The following TMPRSS9 variants were observed in gnomAD, a reference collection of about 807,000 sequenced individuals.
TMPRSS9 encodes transmembrane serine protease 9.
TMPRSS9 carries 113 observed loss-of-function variants against 111.4 expected under a neutral mutation model. That is an observed-to-expected ratio of 1.01 (90% CI 0.87 to 1.19). The LOEUF is 1.19. Among genes scored for constraint, TMPRSS9 ranks in the 50% most tolerant of loss-of-function variants. The probability of loss-of-function intolerance (pLI) is 0.00; values close to 1 mark genes in which losing one functional copy is unlikely to be tolerated. For synonymous variants in TMPRSS9, 805 were observed against 659.1 expected (o/e 1.22, Z -3.39); for missense variants, 1,803 against 1,513.1 (o/e 1.19, Z -3.18).
At chr19:2,362,504 G>A (rs1276354732) in intron 1 of TMPRSS9, among the ~76,000 whole-genome samples, 1 of 152,034 alleles carries the variant, frequency 6.6e-6, no homozygotes, top group African/African-American at 2.4e-5. Flanking sequence ...GTGTACGGTT[G>A]TGTGTGTGAT....
rs1202690933 is a variant in TMPRSS9 at position 2,361,605 on chromosome 19, C to T, written c.-26+1245C>T. The stretch of plus-strand genomic sequence containing the variant: ...AGGAAACCCAGGCTGGGGACCGTGG[C>T]GTTATCCCCGCATGACCGGGAATGA... On this transcript the variant is annotated intron_variant, in intron 1 of 17. Coordinates refer to the TMPRSS9 transcript ENST00000649857. Among the ~76,000 whole-genome samples the T allele has an allele frequency of 4.6e-5, 7 of 152,120 alleles. No homozygotes were observed. The East Asian group carries it at 7.7e-4, about 17-fold the overall frequency.
At chr19:2,400,449 G>A (rs7246409) in intron 4 of TMPRSS9, among the ~76,000 whole-genome samples, 4,861 of 152,208 alleles carry the variant, frequency 0.032, 105 homozygotes, top group Non-Finnish European at 0.048. Flanking sequence ...GGCTGAGGCA[G>A]GAGAATTGCT....
intron 7 of TMPRSS9, among the ~76,000 whole-genome samples, chr19:2,406,979 T>C (rs1054592279): frequency 4.6e-5 from 7 of 151,322 alleles, no homozygotes; most frequent in Non-Finnish European, 8.8e-5. Flanking sequence ...TTTGTATTTT[T>C]AGTAGAGACG....
chr19:2,418,281 T>TCCTTC lies in TMPRSS9; in HGVS notation c.2154+147_2154+148insCCCTT. 1.5e-5 allele frequency: 10 copies of TCCTTC among 683,710 alleles called. 1 individual carries two copies. The highest frequency in any genetic ancestry group is 6.9e-5 in the South Asian group (3 of 43,170). 42.4% of individuals were successfully genotyped at this position (683,710 alleles called of 1,614,324 possible). On this transcript the variant is annotated intron_variant, in intron 13 of 17. Coordinates refer to ENST00000648592, the Ensembl canonical transcript of TMPRSS9. ...TTCCCTCCTTGTCCTTCCCTCCTTT[T>TCCTTC]CCTTTCCTCCTTTCCTTCCCTCCCT...
rs1382114781 is a variant in TMPRSS9 at position 2,421,200 on chromosome 19, C to T, written c.2155-654C>T. Among the ~76,000 whole-genome samples, 6 of 152,176 alleles carry T rather than the reference C, an allele frequency of 3.9e-5. No individual in the cohort carries two copies. The East Asian group carries it at 1.2e-3, about 29-fold the overall frequency. On this transcript the variant is annotated intron_variant, in intron 13 of 17. Transcript: ENST00000648592. ...TGGCCTGGGCAACAAGAGCGAGACT[C>T]TGCCTCAAGAAAAGAAATAAGCTTG...
intron 9 of TMPRSS9, among the ~76,000 whole-genome samples, chr19:2,411,010 G>A (rs1971082914): frequency 1.3e-5 from 2 of 152,058 alleles, no homozygotes; most frequent in Admixed American, 6.6e-5. Flanking sequence ...AACTCAAGAA[G>A]GTTCCAGGGC....
rs529954357 is a variant in TMPRSS9 at position 2,405,600 on chromosome 19, C to T, written c.842+55C>T. 2.1e-4 allele frequency: 308 copies of T among 1,441,686 alleles called. 9 individuals are homozygous for T. The South Asian group carries it at 4.6e-3, about 21-fold the overall frequency. 89.3% of individuals were successfully genotyped at this position (1,441,686 alleles called of 1,614,324 possible). A position where few individuals can be genotyped will look rare whatever the true frequency, so the allele number is the denominator to read the frequency against. ...GAACCCTCTGTATTTCTCCTGCCTT[C>T]CCTCGTGCACTGGGGACGTCACTTC... On this transcript the variant is annotated intron_variant, in intron 7 of 17. Coordinates refer to ENST00000648592, the Ensembl canonical transcript of TMPRSS9.
intron 13 of TMPRSS9, among the ~76,000 whole-genome samples, chr19:2,419,246 C>T (rs1443545704): frequency 2.7e-5 from 4 of 148,868 alleles, no homozygotes; most frequent in Non-Finnish European, 5.9e-5. Flanking sequence ...CTCTGTCGCC[C>T]AGGCTGGAGT....
In TMPRSS9 at chr19:2,402,006, C is replaced by T. The variant is rs146127510; in HGVS notation, c.546C>T (p.Asp182=). ...ATAAGGGACCCTTGGCAGAAAGAGACTTCAAATCAGGTATGTTTTTCTCTC... is the reference window on the plus strand; with the variant it reads ...ATAAGGGACCCTTGGCAGAAAGAGATTTCAAATCAGGTATGTTTTTCTCTC... The change falls in exon 5 of 18, where the codon GAC becomes GAT. Residue 182 remains aspartate, a synonymous_variant. Transcript: ENST00000648592. The T allele has an allele frequency of 4.1e-4, 654 of 1,611,314 alleles. 4 individuals carry two copies. The African/African-American group carries it at 8.1e-3, about 20-fold the overall frequency.
At chr19:2,360,437 C>G (rs571664086) in intron 1 of TMPRSS9, among the ~76,000 whole-genome samples, 77 bp downstream of exon 1, 37 of 152,334 alleles carry the variant, frequency 2.4e-4, no homozygotes, top group Admixed American at 2.2e-3. Context: ...CGCCAAGCCC[C>G]GGGGCTGTTT....
intron 2 of TMPRSS9, 107 bp from the exon 4 acceptor site, chr19:2,398,688 T>C (rs1465919309): frequency 1.6e-6 from 1 of 619,604 alleles, no homozygotes; most frequent in African/African-American, 1.9e-5. Context: ...TGCTTTCCCA[T>C]GGAACCAACC....
intron 7 of TMPRSS9, 32 bp from the exon 9 acceptor site, chr19:2,408,324 G>T: frequency 6.2e-7 from 1 of 1,600,834 alleles, no homozygotes; most frequent in Middle Eastern, 1.8e-4. Flanking sequence ...TCTGACCCTC[G>T]GTGGCTTCTG....
rs1454250237 is a variant in TMPRSS9 at position 2,398,777 on chromosome 19, T to G, written c.271-18T>G. The G allele has an allele frequency of 2.1e-6, 3 of 1,413,736 alleles. No homozygotes were observed. Among genetic ancestry groups the G allele is most frequent in the Non-Finnish European group, 2.8e-6 (3 of 1,069,874 alleles). 87.6% of individuals were successfully genotyped at this position (1,413,736 alleles called of 1,614,324 possible). On this transcript the variant is annotated intron_variant, in intron 2 of 17. Coordinates refer to ENST00000648592, the Ensembl canonical transcript of TMPRSS9. ...ATGCTGTGGGTCTCAACATTTGATA[T>G]TCTTGTTTCTATTGCAGTTTGTAAG...
At chr19:2,379,175 CTTTCTCTTTTTT>C (rs1238145581) in intron 1 of TMPRSS9, among the ~76,000 whole-genome samples, 5 of 124,800 alleles carry the variant, frequency 4.0e-5, no homozygotes, top group African/African-American at 1.6e-4. Context: ...GCCTGAGCTT[CTTTCTCTTTTTT>C]TTTTTTTTTT....
At chr19:2,415,799 T>C in exon 11 of TMPRSS9, 1 of 1,604,928 alleles carries the variant, frequency 6.2e-7, no homozygotes, top group South Asian at 1.1e-5. Flanking sequence ...GCAACTGTGG[T>C]GGGGGACCGC....
rs79070115 is a variant in TMPRSS9 at position 2,405,507 on chromosome 19, C to T, written c.804C>T (p.Asn268=). The T allele has an allele frequency of 5.6e-4, 900 of 1,599,804 alleles. 11 individuals are homozygous for T. In the East Asian group the frequency reaches 0.015, roughly 26 times the overall value. Reference sequence around the variant, plus strand: ...ACTTCTGTGGGGCCGCCATCATCAACGCCAGGTGGCTGGTGTCTGCTGCTC... The same window carrying T: ...ACTTCTGTGGGGCCGCCATCATCAATGCCAGGTGGCTGGTGTCTGCTGCTC... Residue 268 remains asparagine (N), a synonymous_variant, in exon 7 of 18, where the codon AAC becomes AAT. Transcript: ENST00000648592.
chr19:2,413,280 G>A (rs968558189), intron 9 of TMPRSS9, among the ~76,000 whole-genome samples: 3 of 152,144 alleles, frequency 2.0e-5, no homozygotes, highest in African/African-American at 7.2e-5. Context: ...TGGTGAGGCC[G>A]GACGAGTGAC....
chr19:2,368,657 T>C (rs1305039278), intron 1 of TMPRSS9, among the ~76,000 whole-genome samples: 1 of 152,024 alleles, frequency 6.6e-6, no homozygotes, highest in African/African-American at 2.4e-5. Context: ...GATGCCCTGC[T>C]TAGACCAGGC....
In TMPRSS9 at chr19:2,368,774, G is replaced by GTTTTTTTTTTTTTTTTTTTTTTTTTTTTT. The variant is rs762761358; in HGVS notation, c.-26+8441_-26+8442insTTTTTTTTTTTTTTTTTTTTTTTTTTTTT. Among the ~76,000 whole-genome samples the GTTTTTTTTTTTTTTTTTTTTTTTTTTTTT allele has an allele frequency of 2.8e-5, 2 of 70,384 alleles. 1 individual carries two copies. 46.2% of individuals were successfully genotyped at this position (70,384 alleles called of 152,430 possible). On this transcript the variant is annotated intron_variant, in intron 1 of 17. Transcript: ENST00000649857. ...TGCCAGGGCATCAAGGATAAACCCAGTTTTTTTTTTTTTTTTTTTTTTTTT... is the reference window on the plus strand; with the variant it reads ...TGCCAGGGCATCAAGGATAAACCCAGTTTTTTTTTTTTTTTTTTTTTTTTTTTTTTTTTTTTTTTTTTTTTTTTTTTTTT...
Sources: gnomAD v4.1 joint callset for allele counts (sites outside exome capture counted in the v4.1 genomes callset) on GRCh38, gnomAD v4.1.1 for gene constraint, MANE v1.5 for transcripts, NCBI Gene and HGNC (gene_info 2026-07-23, HGNC 2026-07-21) for gene names.